The following MYCBP2 variants were observed in gnomAD, a reference collection of about 807,000 sequenced individuals.
The protein encoded by MYCBP2 is MYC binding protein 2.
In MYCBP2, 120 loss-of-function variants were observed where a neutral mutation model predicts 525.3. The observed-to-expected ratio is 0.23, with a 90% CI of 0.20 to 0.27. MYCBP2 has a LOEUF of 0.27. MYCBP2 is among the 10% of genes least tolerant of loss of function. The pLI is 1.00. For synonymous variants in MYCBP2, 1,894 were observed against 1,955.8 expected, an observed-to-expected ratio of 0.97 and a Z score of 0.83; for missense variants, 4,149 against 5,657.1, an observed-to-expected ratio of 0.73 and a Z score of 8.55.
intron 4 of MYCBP2, among the ~76,000 whole-genome samples, chr13:77,274,185 T>C (rs1012565322): frequency 3.3e-5 from 5 of 152,194 alleles, no homozygotes; most frequent in African/African-American, 1.2e-4. Flanking sequence ...TCCAAGTCAA[T>C]AGGACAGATA....
chr13:77,119,535 T>C (rs575745427), intron 55 of MYCBP2, among the ~76,000 whole-genome samples: 1 of 152,242 alleles, frequency 6.6e-6, no homozygotes, highest in African/African-American at 2.4e-5. Flanking sequence ...TCTAAAATAC[T>C]GTTTTAAGAA....
At chr13:77,281,724 CA>C (rs2076206672) in intron 3 of MYCBP2, among the ~76,000 whole-genome samples, 1 of 152,046 alleles carries the variant, frequency 6.6e-6, no homozygotes, top group Non-Finnish European at 1.5e-5. Context: ...AAGAGTCTTT[CA>C]AGGTTTTATT....
chr13:77,291,227 GA>G (rs2077432492), intron 2 of MYCBP2, among the ~76,000 whole-genome samples: 1 of 152,088 alleles, frequency 6.6e-6, no homozygotes, highest in African/African-American at 2.4e-5. Context: ...GGCAAGATCT[GA>G]ACAGACATTT....
intron 55 of MYCBP2, among the ~76,000 whole-genome samples, chr13:77,104,932 A>G (rs1340966338): frequency 2.0e-5 from 3 of 152,164 alleles, no homozygotes; most frequent in Non-Finnish European, 2.9e-5. Flanking sequence ...GAACAAATCT[A>G]TAAACCTCAA....
At chr13:77,168,975 T>C (rs922074900) in intron 39 of MYCBP2, among the ~76,000 whole-genome samples, 4 of 152,228 alleles carry the variant, frequency 2.6e-5, no homozygotes, top group Non-Finnish European at 5.9e-5. Context: ...TCTTATCCTT[T>C]AACATTGCTA....
chr13:77,209,654 C>T (rs969888605), intron 23 of MYCBP2, among the ~76,000 whole-genome samples: 3 of 152,206 alleles, frequency 2.0e-5, no homozygotes, highest in African/African-American at 7.2e-5. Flanking sequence ...AAAGACCACT[C>T]ACCCATAGTC....
intron 50 of MYCBP2, 56 bp downstream of exon 50, chr13:77,140,790 T>C: frequency 7.9e-7 from 1 of 1,266,690 alleles, no homozygotes. Context: ...TTTTGAAGCA[T>C]CAGTGACAAA....
intron 2 of MYCBP2, 33 bp from the exon 3 acceptor site, chr13:77,288,409 A>G (rs376155094): frequency 3.6e-5 from 55 of 1,543,916 alleles, no homozygotes; most frequent in Non-Finnish European, 4.4e-5. Context: ...TCCATTTCAC[A>G]CTCTTTTCTA....
intron 15 of MYCBP2, among the ~76,000 whole-genome samples, chr13:77,249,034 C>A (rs969733699): frequency 6.6e-6 from 1 of 152,138 alleles, no homozygotes; most frequent in Non-Finnish European, 1.5e-5. Context: ...TACTCTGATT[C>A]TCTTTATATG....
chr13:77,212,155 T>C lies in MYCBP2; in HGVS notation c.3063A>G (p.Gly1021=), dbSNP rs2064100697. The change falls in exon 22 of 83, where the codon GGA becomes GGG. Residue 1021 remains glycine (G), a synonymous_variant. Transcript: ENST00000544440. ...CATCCAAAATTGGTCTGCCCAGTTG[T>C]CCTTTCTAAAAGATTAAATAAACCA... The part of the protein sequence containing the change: ...QVFTFGSFSK[G]QLGRPILDVP... 7 of 1,613,642 alleles carry C rather than the reference T, an allele frequency of 4.3e-6. No homozygotes were observed. The highest frequency in any genetic ancestry group is 5.9e-6 in the Non-Finnish European group (7 of 1,179,800).
intron 20 of MYCBP2, 103 bp from the exon 21 acceptor site, chr13:77,218,060 C>G: frequency 1.5e-6 from 1 of 683,646 alleles, no homozygotes; most frequent in East Asian, 2.8e-5. Flanking sequence ...ATAAAAGGCA[C>G]TCATAAGAAT....
intron 18 of MYCBP2, among the ~76,000 whole-genome samples, chr13:77,232,359 A>G (rs1419913176): frequency 6.6e-6 from 1 of 152,210 alleles, no homozygotes; most frequent in Non-Finnish European, 1.5e-5. Flanking sequence ...GCTAAGGAAG[A>G]ACACTGGTTC....
intron 5 of MYCBP2, among the ~76,000 whole-genome samples, chr13:77,271,036 G>A (rs1429198449): frequency 1.3e-5 from 2 of 151,934 alleles, no homozygotes; most frequent in East Asian, 1.9e-4. Flanking sequence ...CTAGGAGTTC[G>A]ATTTGTTTTT....
rs186880604 is a variant in MYCBP2, at chr13:77,063,915, C to T, written c.12672+700G>A. 2.9e-4 allele frequency among the ~76,000 whole-genome samples: 44 copies of T among 152,218 alleles called. No homozygotes were observed. The East Asian group carries it at 8.3e-3, about 29-fold the overall frequency. ...CAAGATAGCATAAATTGACTTTTTC[C>T]GCCCTAGGGATATATAGTTTATCTT... On this transcript the variant is annotated intron_variant, in intron 73 of 82. Coordinates refer to ENST00000544440, the MANE Select transcript of MYCBP2 (RefSeq NM_015057.5).
chr13:77,244,023 T>C lies in MYCBP2; in HGVS notation c.2382-72A>G, dbSNP rs1327165387. 6 of 1,406,518 alleles carry C rather than the reference T, an allele frequency of 4.3e-6. No individual in the cohort carries two copies. In the Admixed American group the frequency reaches 9.0e-5, roughly 21 times the overall value. 87.1% of individuals were successfully genotyped at this position (1,406,518 alleles called of 1,614,324 possible). On this transcript the variant is annotated intron_variant, in intron 15 of 82. Coordinates refer to ENST00000544440, the MANE Select transcript of MYCBP2 (RefSeq NM_015057.5). ...CTAATTTGTCTTTAAAACTCTTTTC[T>C]ATAACTTATTTTCCACATTTTTGAA...
chr13:77,288,903 C>T (rs1449772543), intron 2 of MYCBP2, among the ~76,000 whole-genome samples: 4 of 152,162 alleles, frequency 2.6e-5, no homozygotes, highest in African/African-American at 9.7e-5. Flanking sequence ...GTAGATGCTT[C>T]CCTAAGCTCT....
chr13:77,291,733 C>T (rs1157097856), intron 2 of MYCBP2, among the ~76,000 whole-genome samples: 1 of 151,442 alleles, frequency 6.6e-6, no homozygotes, highest in Non-Finnish European at 1.5e-5. Flanking sequence ...TGCCATTGCA[C>T]TCTAACCTGC....
At chr13:77,071,757 G>C (rs2041335454) in intron 68 of MYCBP2, among the ~76,000 whole-genome samples, 1 of 152,142 alleles carries the variant, frequency 6.6e-6, no homozygotes. Context: ...CCTCAAAGAA[G>C]AACAGCAGAG....
At chr13:77,205,129 G>T in intron 26 of MYCBP2, 127 bp downstream of exon 26, 1 of 771,692 alleles carries the variant, frequency 1.3e-6, no homozygotes, top group Non-Finnish European at 1.8e-6. Flanking sequence ...TTTTTAAAAA[G>T]AAGCATTAAA....
Sources: allele counts gnomAD v4.1 joint callset (sites outside exome capture counted in the v4.1 genomes callset), GRCh38; gene constraint gnomAD v4.1.1; transcripts MANE v1.5; gene names NCBI Gene and HGNC (gene_info 2026-07-23, HGNC 2026-07-21).